SLTM: variants seen among roughly 807,000 people sequenced by gnomAD.
The protein encoded by SLTM is SAFB like transcription modulator, also known as SAFB-like transcription modulator.
Under a neutral mutation model 134.6 loss-of-function variants are expected in SLTM, and 43 were observed. The ratio of observed to expected loss-of-function variants is 0.32; its 90% CI spans 0.25 to 0.41. The LOEUF is 0.41. Among genes scored for constraint, SLTM ranks in the 10% least tolerant of loss-of-function variants. The pLI, the probability that SLTM is intolerant of heterozygous loss-of-function variation, is 1.00. For synonymous variants in SLTM, 424 were observed against 432.3 expected (o/e 0.98, Z 0.24); for missense variants, 1,055 against 1,288.8 (o/e 0.82, Z 2.78).
At chr15:58,932,053 G>A (rs1357569147) in intron 2 of SLTM, 2 of 225,696 alleles carry the variant, frequency 8.9e-6, no homozygotes, top group Non-Finnish European at 9.0e-6. Flanking sequence ...GTAGACATGT[G>A]TTAAACTGTA....
chr15:58,900,998 A>G, intron 6 of SLTM: 1 of 346,664 alleles, frequency 2.9e-6, no homozygotes, highest in Non-Finnish European at 5.3e-6. Context: ...TTAAAAATAA[A>G]ATTAAAATTG....
intron 19 of SLTM, 88 bp from the exon 20 acceptor site, chr15:58,883,874 G>A: frequency 2.8e-6 from 4 of 1,438,672 alleles, no homozygotes; most frequent in Non-Finnish European, 3.8e-6. Flanking sequence ...GAGGCAGGCG[G>A]ATCACCTGAG....
chr15:58,933,291 C>G (rs1595971003), intron 1 of SLTM, 113 bp downstream of exon 1: 16 of 1,219,228 alleles, frequency 1.3e-5, no homozygotes, highest in Admixed American at 3.3e-5. Context: ...CCTACCATGC[C>G]GTTCCGCAGG....
intron 4 of SLTM, chr15:58,912,936 G>C (rs566614305): frequency 1.9e-5 from 4 of 213,570 alleles, no homozygotes; most frequent in African/African-American, 9.1e-5. Context: ...TTCAAGGCAG[G>C]ACAAATGGTC....
At chr15:58,900,939 A>G in intron 6 of SLTM, 1 of 260,740 alleles carries the variant, frequency 3.8e-6, no homozygotes. Context: ...GAGTTACTGC[A>G]GTGTCAGTCT....
chr15:58,904,280 G>A (rs769342886), intron 5 of SLTM, among the ~76,000 whole-genome samples: 7 of 152,064 alleles, frequency 4.6e-5, no homozygotes, highest in Non-Finnish European at 8.8e-5. Flanking sequence ...CAAAGTGCTG[G>A]GATTACAGGC....
At chr15:58,895,076 C>T (rs2034981039) in intron 9 of SLTM, among the ~76,000 whole-genome samples, 1 of 152,106 alleles carries the variant, frequency 6.6e-6, no homozygotes, top group Non-Finnish European at 1.5e-5. Flanking sequence ...ATTTAAAGTG[C>T]CAAAAAGCAA....
chr15:58,915,191 AAAAAAC>A (rs140925385), intron 3 of SLTM, among the ~76,000 whole-genome samples: 11,070 of 150,016 alleles, frequency 0.074, 960 homozygotes, highest in African/African-American at 0.2. Flanking sequence ...ACTCCATCTC[AAAAAAC>A]AAAAACAAAA....
chr15:58,887,450 A>G lies in SLTM; in HGVS notation c.2466T>C (p.Asn822=), dbSNP rs761539226. ...EDPSFERYPK[N]FSDSRRNEPP... is the part of the protein sequence containing the mutation. ...GCTCATTTCTTCTGGAGTCACTGAAATTTTTGGGATATCTTTCGAAGCTTG... is the reference window on the plus strand; with the variant it reads ...GCTCATTTCTTCTGGAGTCACTGAAGTTTTTGGGATATCTTTCGAAGCTTG... Residue 822 remains asparagine, a synonymous_variant, in exon 18 of 21, where the codon AAT becomes AAC. Coordinates refer to ENST00000380516, the MANE Select transcript of SLTM (RefSeq NM_024755.4). The G allele has an allele frequency of 6.2e-7, 1 of 1,613,860 alleles. No individual in the cohort carries two copies. Among genetic ancestry groups the G allele is most frequent in the African/African-American group, 1.3e-5 (1 of 74,860 alleles).
rs1185913961 is a variant in SLTM at position 58,933,499 on chromosome 15, T to C, written c.67A>G (p.Thr23Ala). The change falls in exon 1 of 21, where the codon ACC becomes GCC. Residue 23 changes from threonine (T) to alanine (A), a missense_variant. This residue lies in a region of SLTM where 268 missense variants were observed against 284.3 expected (regional missense o/e 0.94). Transcript: ENST00000380516. Reference sequence around the variant, plus strand: ...TTCAGATCGATGACCCGCAGATCGGTGATCTTTTTACCTTCCGCCTGACCC... The same window carrying C: ...TTCAGATCGATGACCCGCAGATCGGCGATCTTTTTACCTTCCGCCTGACCC... Reference protein sequence around the residue: ...ASGQAEGKKITDLRVIDLKSE... With the variant: ...ASGQAEGKKIADLRVIDLKSE... 2.5e-6 allele frequency: 4 copies of C among 1,600,394 alleles called. No individual in the cohort carries two copies. Among genetic ancestry groups the C allele is most frequent in the Non-Finnish European group, 1.7e-6 (2 of 1,174,160 alleles).
Position 58,892,817 on chromosome 15 carries a change from T to C in SLTM, c.1898+80A>G, listed in dbSNP as rs556128963. 42 of 1,431,492 alleles carry C rather than the reference T, an allele frequency of 2.9e-5. No homozygotes were observed. In the African/African-American group the frequency reaches 4.3e-4, roughly 15 times the overall value. The allele number at this position is 1,431,492 out of a possible 1,614,324, so 88.7% of individuals were successfully genotyped here. On this transcript the variant is annotated intron_variant, in intron 14 of 20. Transcript: ENST00000380516. Reference sequence around the variant, plus strand: ...CAAACAGTTTTCTGTGGGAATACAATTTCCAGAAATATGGCTTACAACTAG... The same window carrying C: ...CAAACAGTTTTCTGTGGGAATACAACTTCCAGAAATATGGCTTACAACTAG...
At chr15:58,933,195 C>G (rs2038008564) in intron 1 of SLTM, among the ~76,000 whole-genome samples, 1 of 151,658 alleles carries the variant, frequency 6.6e-6, no homozygotes. Flanking sequence ...CGGTCCCTCG[C>G]AGGCCCGGCC....
intron 5 of SLTM, among the ~76,000 whole-genome samples, chr15:58,901,784 G>A (rs2035505742): frequency 6.6e-6 from 1 of 151,812 alleles, no homozygotes; most frequent in African/African-American, 2.4e-5. Flanking sequence ...GACATTAGAA[G>A]AACAGTTACT....
At chr15:58,931,453 G>A (rs2037873483) in intron 2 of SLTM, among the ~76,000 whole-genome samples, 1 of 152,142 alleles carries the variant, frequency 6.6e-6, no homozygotes, top group African/African-American at 2.4e-5. Context: ...GTGGTTGGGA[G>A]TAACACTTGG....
chr15:58,882,818 G>A (rs1247042878), intron 20 of SLTM, among the ~76,000 whole-genome samples: 12 of 152,236 alleles, frequency 7.9e-5, no homozygotes, highest in African/African-American at 2.9e-4. Context: ...CCTGCTGGCT[G>A]AAGGGCCACA....
chr15:58,903,715 G>GA (rs35691781), intron 5 of SLTM, among the ~76,000 whole-genome samples: 29,180 of 144,586 alleles, frequency 0.2, 3,138 homozygotes, highest in South Asian at 0.44. Flanking sequence ...GATTAAAATG[G>GA]AAAAAAAAAA....
At chr15:58,933,104 G>A (rs1180745024) in intron 1 of SLTM, among the ~76,000 whole-genome samples, 1 of 152,120 alleles carries the variant, frequency 6.6e-6, no homozygotes, top group Non-Finnish European at 1.5e-5. Context: ...TCGCCCTTGG[G>A]AGGCCGCGCC....
chr15:58,883,961 T>C (rs2033960881), intron 19 of SLTM, among the ~76,000 whole-genome samples, 175 bp from the exon 20 acceptor site: 1 of 151,870 alleles, frequency 6.6e-6, no homozygotes, highest in Non-Finnish European at 1.5e-5. Flanking sequence ...TAGTCAGGCA[T>C]GGTACCCCAC....
chr15:58,892,291 A>C (rs1258463195), intron 14 of SLTM, among the ~76,000 whole-genome samples: 2 of 152,206 alleles, frequency 1.3e-5, no homozygotes, highest in African/African-American at 4.8e-5. Context: ...CTAAAAATGG[A>C]AACATCTTGC....
Sources: gnomAD v4.1 joint callset for allele counts (sites outside exome capture counted in the v4.1 genomes callset) on GRCh38, gnomAD v4.1.1 for gene constraint, gnomAD v4.1.1 regional missense constraint, MANE v1.5 for transcripts, NCBI Gene and HGNC (gene_info 2026-07-23, HGNC 2026-07-21) for gene names.